The following PLCD4 variants were observed in gnomAD, a reference collection of about 807,000 sequenced individuals.
The protein encoded by PLCD4 is phospholipase C delta 4.
PLCD4 carries 63 observed loss-of-function variants against 90.2 expected under a neutral mutation model. That is an observed-to-expected ratio of 0.70 (90% CI 0.57 to 0.86). The LOEUF is 0.86. Among genes scored for constraint, PLCD4 ranks in the 40% least tolerant of loss-of-function variants. PLCD4 has a pLI of 0.00. For missense variants in PLCD4, 830 were observed against 956.3 expected (o/e 0.87, Z 1.74); for synonymous variants, 294 against 356.5 (o/e 0.82, Z 1.97).
intron 1 of PLCD4, among the ~76,000 whole-genome samples, chr2:218,613,050 A>G (rs1695412657): frequency 6.6e-6 from 1 of 152,204 alleles, no homozygotes; most frequent in African/African-American, 2.4e-5. Flanking sequence ...ACAAATTTTT[A>G]AAGTTCTTTT....
At position 218,636,555 on chromosome 2, in the gene PLCD4, G is replaced by A. The variant is rs752944742; in HGVS notation, c.2267G>A (p.Gly756Asp). The change falls in exon 16 of 16, where the codon GGC becomes GAC. Residue 756 changes from glycine (G) to aspartate (D), a missense_variant. By Grantham distance (94) the Gly-to-Asp change is moderately conservative (BLOSUM62 -1). Transcript: ENST00000450993. ...TTTGTGTATATCTGCATCCAGGAAG[G>A]CCTGGAGGGGGATGAGTCCTGAGGT... ...SIFVYICIQE[G>D]LEGDES 1 of 1,613,898 alleles carries A rather than the reference G, an allele frequency of 6.2e-7. No individual in the cohort carries two copies. The highest frequency in any genetic ancestry group is 1.7e-5 in the Admixed American group (1 of 60,008).
chr2:218,633,494 G>GGA, intron 10 of PLCD4, 111 bp from the exon 11 acceptor site: 2 of 1,278,942 alleles, frequency 1.6e-6, no homozygotes. Context: ...GAGGCAGGAG[G>GGA]GAGAATACAG....
chr2:218,622,565 T>C, intron 5 of PLCD4, 82 bp from the exon 6 acceptor site: 1 of 999,130 alleles, frequency 1.0e-6, no homozygotes. Context: ...CCCAGAAAAA[T>C]TTAAAAAAAA....
intron 4 of PLCD4, among the ~76,000 whole-genome samples, chr2:218,619,289 ATGTTT>A (rs1356093955): frequency 4.0e-5 from 5 of 124,996 alleles, no homozygotes; most frequent in African/African-American, 1.2e-4. Context: ...ATATATATAT[ATGTTT>A]TGTTTTGTTT....
Position 218,621,907 on chromosome 2 carries a change from C to T in PLCD4, c.540+308C>T, listed in dbSNP as rs553387917. The stretch of plus-strand genomic sequence containing the variant: ...ATCCTGGTTAACACAGTGAAACCCC[C>T]GTCTCTACTAAAACTACAAAAAATT... On this transcript the variant is annotated intron_variant, in intron 5 of 15. Coordinates refer to ENST00000450993, the MANE Select transcript of PLCD4 (RefSeq NM_032726.4). Among the ~76,000 whole-genome samples, 10 of 151,876 alleles carry T rather than the reference C, an allele frequency of 6.6e-5. No individual in the cohort carries two copies. In the South Asian group the frequency reaches 1.9e-3, roughly 28 times the overall value.
chr2:218,608,527 T>G (rs1194801681), intron 1 of PLCD4, among the ~76,000 whole-genome samples: 3 of 152,198 alleles, frequency 2.0e-5, no homozygotes, highest in African/African-American at 7.2e-5. Context: ...GAACTTGTTC[T>G]TTGCCTATTC....
At chr2:218,633,878 T>G in intron 11 of PLCD4, 117 bp downstream of exon 11, 14 of 1,109,692 alleles carry the variant, frequency 1.3e-5, no homozygotes, top group African/African-American at 3.1e-5. Flanking sequence ...ATGAAGGAGT[T>G]CAGAAACTCC....
In PLCD4 at chr2:218,632,128, T is replaced by TC; in HGVS notation, c.1273-4dup. ...AGGTAGACAGGCCCCTTCATTTTTG[T>TC]CCCCTAGGAGCTTCGGAGGAAGATC... On this transcript the variant is annotated splice_polypyrimidine_tract_variant and splice_region_variant and intron_variant, in intron 9 of 15. Transcript: ENST00000450993. The TC allele has an allele frequency of 6.3e-7, 1 of 1,596,598 alleles. No individual in the cohort carries two copies. Among genetic ancestry groups the TC allele is most frequent in the Non-Finnish European group, 8.5e-7 (1 of 1,172,102 alleles).
intron 1 of PLCD4, among the ~76,000 whole-genome samples, chr2:218,612,463 C>T (rs962637810): frequency 2.0e-5 from 3 of 152,198 alleles, no homozygotes; most frequent in Non-Finnish European, 2.9e-5. Flanking sequence ...GATACCTATA[C>T]ATTACTACCC....
Position 218,636,612 on chromosome 2 carries a change from C to T in PLCD4, c.*35C>T, listed in dbSNP as rs778632428. ...TTCACGGGAAGGGTTGGTGTGCTGG[C>T]TTTAGACGGGGAGAAACATCTGGAA... On this transcript the variant is annotated 3_prime_UTR_variant, in exon 16 of 16. Transcript: ENST00000450993. The T allele has an allele frequency of 6.3e-7, 1 of 1,588,182 alleles. No homozygotes were observed. Among genetic ancestry groups the T allele is most frequent in the South Asian group, 1.1e-5 (1 of 90,014 alleles).
Position 218,616,010 on chromosome 2 carries a change from C to CATG in PLCD4, c.129_130insATG (p.Asp43_Gly44insMet). 5.0e-6 allele frequency: 8 copies of CATG among 1,614,004 alleles called. No individual in the cohort carries two copies. The highest frequency in any genetic ancestry group is 6.8e-6 in the Non-Finnish European group (8 of 1,179,888). ...TAAGATACTTCAGACTTCAGAATGACGGCATGACAGTCTGGCATGCACGGC... is the reference window on the plus strand; with the variant it reads ...TAAGATACTTCAGACTTCAGAATGACATGGGCATGACAGTCTGGCATGCACGGC... On this transcript the variant is annotated inframe_insertion, in exon 3 of 16. Transcript: ENST00000450993.
In PLCD4 at chr2:218,622,662, C is replaced by T. The variant is rs895930322; in HGVS notation, c.556C>T (p.Gln186Ter). Residue 186 changes from glutamine (Q) to a stop codon, truncating the protein, a stop_gained, in exon 6 of 16, where the codon CAG (glutamine) becomes TAG (stop). Coordinates refer to ENST00000450993, the MANE Select transcript of PLCD4 (RefSeq NM_032726.4). LOFTEE classifies it high-confidence loss of function. ...TCTCTTGCAGGCAGCAGACACGTCC[C>T]AGTCTGGAACCCTGGAAGGAGAAGA... ...FSLFQAADTSQSGTLEGEEFV... is the reference protein window; with the variant it reads ...FSLFQAADTS 3 of 1,613,454 alleles carry T rather than the reference C, an allele frequency of 1.9e-6. No homozygotes were observed. The highest frequency in any genetic ancestry group is 2.7e-5 in the African/African-American group (2 of 74,904).
chr2:218,613,856 G>A (rs1411215629), intron 1 of PLCD4, among the ~76,000 whole-genome samples: 1 of 152,126 alleles, frequency 6.6e-6, no homozygotes, highest in African/African-American at 2.4e-5. Flanking sequence ...ATGAGCCACT[G>A]TGCCCAGCCA....
In PLCD4 at chr2:218,622,669, G is replaced by C; in HGVS notation, c.563G>C (p.Gly188Ala). Residue 188 changes from glycine (G) to alanine (A), a missense_variant, in exon 6 of 16, where the codon GGA becomes GCA. Coordinates refer to ENST00000450993, the MANE Select transcript of PLCD4 (RefSeq NM_032726.4). ...CAGGCAGCAGACACGTCCCAGTCTG[G>C]AACCCTGGAAGGAGAAGAATTCGTA... ...LFQAADTSQS[G>A]TLEGEEFVQF... is the part of the protein sequence containing the mutation. 1 of 1,613,762 alleles carries C rather than the reference G, an allele frequency of 6.2e-7. No individual in the cohort carries two copies. Among genetic ancestry groups the C allele is most frequent in the Non-Finnish European group, 8.5e-7 (1 of 1,179,750 alleles).
At position 218,636,907 on chromosome 2, in the gene PLCD4, G is replaced by A. The variant is rs763426189; in HGVS notation, c.*330G>A. ...ACAACTAATCTTTCCCATCAACTCT[G>A]TGTGAAGGCAGGTTGCAACTAGAAA... On this transcript the variant is annotated 3_prime_UTR_variant, in exon 16 of 16. Coordinates refer to ENST00000450993, the MANE Select transcript of PLCD4 (RefSeq NM_032726.4). 6 of 468,670 alleles carry A rather than the reference G, an allele frequency of 1.3e-5. No homozygotes were observed. The highest frequency in any genetic ancestry group is 2.0e-5 in the African/African-American group (1 of 50,568). 29.0% of individuals were successfully genotyped at this position (468,670 alleles called of 1,614,324 possible).
At chr2:218,609,010 C>T (rs1017308535) in intron 1 of PLCD4, among the ~76,000 whole-genome samples, 6 of 151,734 alleles carry the variant, frequency 4.0e-5, no homozygotes, top group African/African-American at 7.3e-5. Flanking sequence ...AGGTGGGTGG[C>T]GGGTGCCTGT....
At chr2:218,633,909 G>C in intron 11 of PLCD4, 148 bp downstream of exon 11, 3 of 1,220,264 alleles carry the variant, frequency 2.5e-6, no homozygotes, top group Non-Finnish European at 3.5e-6. Flanking sequence ...CAAGGGCAGA[G>C]GAGTTATGAA....
chr2:218,628,015 T>C lies in PLCD4; in HGVS notation c.773-14T>C. The C allele has an allele frequency of 6.2e-7, 1 of 1,607,056 alleles. No individual in the cohort carries two copies. On this transcript the variant is annotated splice_polypyrimidine_tract_variant and intron_variant, in intron 6 of 15. Coordinates refer to ENST00000450993, the MANE Select transcript of PLCD4 (RefSeq NM_032726.4). ...CAGAGCTTCTCACCTAGTGTTCCCC[T>C]GTCCACACTCCAGGCAAACTGCGGC...
chr2:218,636,172 A>G, intron 14 of PLCD4, 71 bp from the exon 15 acceptor site: 1 of 1,520,300 alleles, frequency 6.6e-7, no homozygotes, highest in Non-Finnish European at 9.1e-7. Context: ...TTAAATGAGA[A>G]CACAAGAAAA....
Sources: gnomAD v4.1 joint callset for allele counts (sites outside exome capture counted in the v4.1 genomes callset) on GRCh38, gnomAD v4.1.1 for gene constraint, MANE v1.5 for transcripts, NCBI Gene and HGNC (gene_info 2026-07-23, HGNC 2026-07-21) for gene names.